The following CBR4 variants were observed in gnomAD, a reference collection of about 807,000 sequenced individuals.
CBR4 encodes the protein 3-oxoacyl-[acyl-carrier-protein] reductase.
A neutral mutation model predicts 21.0 loss-of-function variants in CBR4; 22 were observed. That is an observed-to-expected ratio of 1.05 (90% confidence interval 0.75 to 1.50). The LOEUF (loss-of-function observed/expected upper bound fraction) is 1.50. Ranked by LOEUF, CBR4 falls within the 40% of genes most tolerant of loss-of-function variation. CBR4 has a pLI of 0.00. For missense variants in CBR4, 302 were observed against 286.3 expected, an observed-to-expected ratio of 1.05 and a Z score of -0.40; for synonymous variants, 100 against 104.4, an observed-to-expected ratio of 0.96 and a Z score of 0.26.
chr4:168,965,414 T>C (rs908376325), intron 2 of CBR4, among the ~76,000 whole-genome samples: 1 of 152,176 alleles, frequency 6.6e-6, no homozygotes, highest in African/African-American at 2.4e-5. Context: ...AAACTTCATA[T>C]GGAACCAAAA....
intron 3 of CBR4, among the ~76,000 whole-genome samples, chr4:169,003,999 G>A (rs1730684386): frequency 6.6e-6 from 1 of 152,126 alleles, no homozygotes; most frequent in South Asian, 2.1e-4. Context: ...AACGCTAGAT[G>A]ACGAGTTAGT....
At chr4:168,901,407 T>C (rs929283856) in intron 2 of CBR4, among the ~76,000 whole-genome samples, 2 of 152,208 alleles carry the variant, frequency 1.3e-5, no homozygotes, top group African/African-American at 2.4e-5. Flanking sequence ...TTGGTAAAAT[T>C]TTGGAAATAT....
rs908997707 is a variant in CBR4, at chr4:168,989,474, T to A, written c.*676A>T. The A allele has an allele frequency of 4.1e-6, 4 of 985,278 alleles. No homozygotes were observed. The highest frequency in any genetic ancestry group is 4.8e-6 in the Non-Finnish European group (4 of 829,892). The allele number at this position is 985,278 out of a possible 1,614,324, so 61.0% of individuals were successfully genotyped here. A position where few individuals can be genotyped will look rare whatever the true frequency, so the allele number is the denominator to read the frequency against. Reference sequence around the variant, plus strand: ...CTCAAAGAAATCAATTCTAAATTCATGTCTTTAATGAATACTATGTTTTGC... The same window carrying A: ...CTCAAAGAAATCAATTCTAAATTCAAGTCTTTAATGAATACTATGTTTTGC... On this transcript the variant is annotated 3_prime_UTR_variant, in exon 5 of 5. Coordinates refer to ENST00000306193, the MANE Select transcript of CBR4 (RefSeq NM_032783.5).
chr4:168,957,769 G>A (rs899658704), intron 2 of CBR4, among the ~76,000 whole-genome samples: 1 of 152,098 alleles, frequency 6.6e-6, no homozygotes, highest in Non-Finnish European at 1.5e-5. Context: ...ATGTTATCTT[G>A]AACTGTAGTT....
intron 2 of CBR4, chr4:168,921,567 C>A: frequency 6.2e-7 from 1 of 1,608,286 alleles, no homozygotes; most frequent in Non-Finnish European, 8.5e-7. Flanking sequence ...TCTAAGCTGG[C>A]AACTAGATGG....
At chr4:168,914,221 T>C in intron 2 of CBR4, 4 of 598,052 alleles carry the variant, frequency 6.7e-6, no homozygotes, top group Non-Finnish European at 8.9e-6. Flanking sequence ...CATTCGCTAA[T>C]GTGTGCTAAG....
intron 4 of CBR4, among the ~76,000 whole-genome samples, chr4:168,995,036 G>A (rs887999537): frequency 6.6e-6 from 1 of 152,132 alleles, no homozygotes; most frequent in African/African-American, 2.4e-5. Flanking sequence ...TTACAGGCGT[G>A]AGCCACCATG....
chr4:168,932,376 G>A (rs1480119480), intron 2 of CBR4, among the ~76,000 whole-genome samples: 1 of 151,520 alleles, frequency 6.6e-6, no homozygotes, highest in African/African-American at 2.4e-5. Context: ...TAGGCCTTTT[G>A]AAATAACTCA....
chr4:168,983,917 TAAA>T (rs566358973), downstream of CBR4, among the ~76,000 whole-genome samples: 6 of 151,966 alleles, frequency 3.9e-5, no homozygotes, highest in Non-Finnish European at 8.8e-5. Context: ...CTCAAAATAA[TAAA>T]AGCCATCTAA....
At chr4:168,953,508 C>T (rs1763604139) in intron 2 of CBR4, among the ~76,000 whole-genome samples, 1 of 152,038 alleles carries the variant, frequency 6.6e-6, no homozygotes, top group African/African-American at 2.4e-5. Context: ...ACTGCAGCCT[C>T]TCAACGTCTC....
intron 2 of CBR4, among the ~76,000 whole-genome samples, chr4:168,905,790 C>CTTTT (rs59427697): frequency 7.6e-4 from 86 of 113,130 alleles, no homozygotes; most frequent in Middle Eastern, 5.4e-3. Context: ...GCTTTTTTTT[C>CTTTT]TTTTTTTTTT....
At chr4:168,950,581 A>G (rs1763513203) in intron 2 of CBR4, among the ~76,000 whole-genome samples, 2 of 152,160 alleles carry the variant, frequency 1.3e-5, no homozygotes, top group Admixed American at 1.3e-4. Context: ...GTTGGATGAA[A>G]TGTTCTGTAT....
At position 169,006,960 on chromosome 4, in the gene CBR4, T is replaced by C. The variant is rs376440196; in HGVS notation, c.264-69A>G. 238 of 1,266,348 alleles carry C rather than the reference T, an allele frequency of 1.9e-4. No homozygotes were observed. The African/African-American group carries it at 3.0e-3, about 16-fold the overall frequency. 78.4% of individuals were successfully genotyped at this position (1,266,348 alleles called of 1,614,324 possible). On this transcript the variant is annotated intron_variant, in intron 2 of 4. Coordinates refer to ENST00000306193, the MANE Select transcript of CBR4 (RefSeq NM_032783.5). ...AAAACCAAAAAGGTCAAGACTAATG[T>C]AACATTTTTACTGAGAGTGCAAGAA...
intron 2 of CBR4, among the ~76,000 whole-genome samples, chr4:168,908,772 AAC>A (rs1319541923): frequency 1.3e-5 from 2 of 152,340 alleles, no homozygotes; most frequent in African/African-American, 4.8e-5. Flanking sequence ...TCAGTAATGA[AAC>A]ACAGACGGTA....
intron 2 of CBR4, among the ~76,000 whole-genome samples, chr4:168,933,735 C>T (rs926539354): frequency 6.6e-6 from 1 of 152,170 alleles, no homozygotes; most frequent in Admixed American, 6.5e-5. Flanking sequence ...GCACATGGAA[C>T]ATTCTACAGG....
chr4:168,995,307 CTGATA>C (rs759572891), intron 4 of CBR4, among the ~76,000 whole-genome samples: 22 of 152,106 alleles, frequency 1.4e-4, no homozygotes, highest in Non-Finnish European at 1.5e-4. Flanking sequence ...GATGTTAGTT[CTGATA>C]TGTTTGTCCT....
At chr4:168,904,678 GAAA>G (rs899817345) in intron 2 of CBR4, among the ~76,000 whole-genome samples, 1 of 148,904 alleles carries the variant, frequency 6.7e-6, no homozygotes, top group Non-Finnish European at 1.5e-5. Flanking sequence ...CTTTTAAAAA[GAAA>G]AAAAAAGGCA....
intron 2 of CBR4, among the ~76,000 whole-genome samples, chr4:168,940,608 C>T (rs909237356): frequency 6.6e-6 from 1 of 151,620 alleles, no homozygotes; most frequent in Non-Finnish European, 1.5e-5. Context: ...AAAAAAACAT[C>T]AAAAAGTGGG....
intron 2 of CBR4, among the ~76,000 whole-genome samples, chr4:168,929,517 C>T (rs1409372649): frequency 6.6e-6 from 1 of 152,184 alleles, no homozygotes; most frequent in Non-Finnish European, 1.5e-5. Flanking sequence ...TATGAACATG[C>T]ATAACATGAC....
Sources: gnomAD v4.1 joint callset for allele counts (sites outside exome capture counted in the v4.1 genomes callset) on GRCh38, gnomAD v4.1.1 for gene constraint, MANE v1.5 for transcripts, NCBI Gene and HGNC (gene_info 2026-07-23, HGNC 2026-07-21) for gene names.